Variants in EXOC4 observed in about 807,000 individuals in gnomAD.
The protein encoded by EXOC4 is exocyst complex component 4, also known as SEC8-like 1.
EXOC4 carries 71 observed loss-of-function variants against 107.2 expected under a neutral mutation model. The observed-to-expected ratio is 0.66, with a 90% CI of 0.55 to 0.81. The LOEUF is 0.81. Among genes scored for constraint, EXOC4 ranks in the 30% least tolerant of loss-of-function variants. EXOC4 has a pLI of 0.00. For synonymous variants in EXOC4, 456 were observed against 441.2 expected (o/e 1.03, Z -0.42); for missense variants, 1,108 against 1,189.6 (o/e 0.93, Z 1.01).
At chr7:134,072,791 A>G in the EXOC4 span, among the ~76,000 whole-genome samples, 5 of 152,182 alleles carry the variant, frequency 3.3e-5, no homozygotes, top group Non-Finnish European at 7.3e-5. Flanking sequence ...TTAGTATTAT[A>G]TATACATAAC....
chr7:133,471,649 A>G (rs1798882101), intron 7 of EXOC4, among the ~76,000 whole-genome samples: 1 of 152,174 alleles, frequency 6.6e-6, no homozygotes, highest in South Asian at 2.1e-4. Context: ...TACAGAGTTC[A>G]TTCTACTTTG....
intron 14 of EXOC4, among the ~76,000 whole-genome samples, chr7:133,981,077 C>T (rs1793967547): frequency 6.6e-6 from 1 of 152,268 alleles, no homozygotes; most frequent in African/African-American, 2.4e-5. Flanking sequence ...GCAAGATTTA[C>T]ACCTGCAAAG....
chr7:134,028,389 C>T (rs980969481), intron 17 of EXOC4, among the ~76,000 whole-genome samples: 6 of 152,076 alleles, frequency 3.9e-5, no homozygotes, highest in African/African-American at 9.7e-5. Context: ...GTTATTTTTT[C>T]GTAAGGAAAT....
At chr7:133,799,312 T>A (rs564723349) in intron 10 of EXOC4, among the ~76,000 whole-genome samples, 78 of 152,276 alleles carry the variant, frequency 5.1e-4, no homozygotes, top group Non-Finnish European at 1.0e-3. Flanking sequence ...TCTGATACCA[T>A]GAAAGACATC....
At chr7:133,992,844 A>C (rs1794295763) in intron 14 of EXOC4, among the ~76,000 whole-genome samples, 1 of 151,118 alleles carries the variant, frequency 6.6e-6, no homozygotes, top group Non-Finnish European at 1.5e-5. Context: ...ACTTAGTGTA[A>C]GGCTTTCAAT....
chr7:134,019,873 C>T (rs1318576368), intron 17 of EXOC4, among the ~76,000 whole-genome samples: 9 of 152,092 alleles, frequency 5.9e-5, no homozygotes. Flanking sequence ...TGATTGCTAA[C>T]TGTTTTAATC....
At chr7:133,319,432 G>C (rs987680299) in intron 5 of EXOC4, among the ~76,000 whole-genome samples, 2 of 152,194 alleles carry the variant, frequency 1.3e-5, no homozygotes, top group African/African-American at 2.4e-5. Context: ...CTTGGTAGTT[G>C]ACTGGGGCTA....
At chr7:133,441,466 C>T (rs1798102007) in intron 7 of EXOC4, among the ~76,000 whole-genome samples, 1 of 152,210 alleles carries the variant, frequency 6.6e-6, no homozygotes, top group Non-Finnish European at 1.5e-5. Flanking sequence ...TCTCGGCTTA[C>T]TGCAGTCTCT....
At chr7:133,864,720 A>G (rs1798600793) in intron 11 of EXOC4, among the ~76,000 whole-genome samples, 1 of 152,178 alleles carries the variant, frequency 6.6e-6, no homozygotes, top group African/African-American at 2.4e-5. Context: ...TATGTGCCAG[A>G]AAGGGAAACA....
intron 10 of EXOC4, among the ~76,000 whole-genome samples, chr7:133,814,229 A>G (rs1196447012): frequency 6.6e-6 from 1 of 152,142 alleles, no homozygotes; most frequent in African/African-American, 2.4e-5. Flanking sequence ...AAATGGGTAT[A>G]TAATTGTTAT....
intron 11 of EXOC4, among the ~76,000 whole-genome samples, chr7:133,854,695 C>T (rs1798311376): frequency 1.3e-5 from 2 of 151,560 alleles, no homozygotes; most frequent in African/African-American, 4.8e-5. Flanking sequence ...GCACTTTAAA[C>T]TTTTGAGCCC....
At chr7:133,403,413 G>A (rs996467238) in intron 7 of EXOC4, among the ~76,000 whole-genome samples, 8 of 152,096 alleles carry the variant, frequency 5.3e-5, no homozygotes, top group Non-Finnish European at 2.9e-5. Context: ...AACTGCTGGC[G>A]GGCCATCATG....
intron 10 of EXOC4, among the ~76,000 whole-genome samples, chr7:133,809,638 T>C (rs1452037520): frequency 2.0e-5 from 3 of 152,212 alleles, no homozygotes; most frequent in Non-Finnish European, 2.9e-5. Flanking sequence ...TTGTGATACA[T>C]GGAATCAGCA....
chr7:134,075,523 G>A, the EXOC4 span, among the ~76,000 whole-genome samples: 1 of 152,148 alleles, frequency 6.6e-6, no homozygotes, highest in Non-Finnish European at 1.5e-5. Context: ...AGTGAAAGGG[G>A]AAACCCCTTA....
At chr7:133,386,891 T>A (rs1563046150) in intron 7 of EXOC4, among the ~76,000 whole-genome samples, 1 of 151,894 alleles carries the variant, frequency 6.6e-6, no homozygotes, top group African/African-American at 2.4e-5. Context: ...GAGGTGGCAA[T>A]AAACACCAAT....
intron 12 of EXOC4, among the ~76,000 whole-genome samples, chr7:133,912,245 G>A (rs1052831854): frequency 2.0e-5 from 3 of 152,150 alleles, no homozygotes; most frequent in Non-Finnish European, 4.4e-5. Flanking sequence ...GATCATTGTA[G>A]GCTGACATAG....
At chr7:133,828,328 G>A (rs1397213716) in intron 11 of EXOC4, among the ~76,000 whole-genome samples, 1 of 150,022 alleles carries the variant, frequency 6.7e-6, no homozygotes, top group Non-Finnish European at 1.5e-5. Context: ...GAAAAGCCTG[G>A]CTCGACAGCC....
chr7:133,607,342 T>A (rs998300253), intron 9 of EXOC4, among the ~76,000 whole-genome samples: 2 of 152,238 alleles, frequency 1.3e-5, no homozygotes, highest in African/African-American at 4.8e-5. Flanking sequence ...AAAGGCACAT[T>A]GCAGTTTTCC....
intron 1 of EXOC4, among the ~76,000 whole-genome samples, chr7:133,268,598 T>C (rs113838283): frequency 3.9e-5 from 6 of 152,338 alleles, no homozygotes; most frequent in African/African-American, 1.2e-4. Flanking sequence ...TTATTTTCCT[T>C]TCAAAACATT....
Sources: allele counts gnomAD v4.1 joint callset (sites outside exome capture counted in the v4.1 genomes callset), GRCh38; gene constraint gnomAD v4.1.1; transcripts MANE v1.5; gene names NCBI Gene and HGNC (gene_info 2026-07-23, HGNC 2026-07-21).